Variants in PHACTR1 observed in about 807,000 individuals in gnomAD.
PHACTR1 encodes RPEL repeat containing 1.
A neutral mutation model predicts 69.2 loss-of-function variants in PHACTR1; 16 were observed. The ratio of observed to expected loss-of-function variants is 0.23; its 90% confidence interval spans 0.16 to 0.35. The LOEUF is 0.35. PHACTR1 is among the 10% of genes least tolerant of loss of function. The pLI is 1.00. For missense variants in PHACTR1, 510 were observed against 734.7 expected (o/e 0.69, Z 3.54); for synonymous variants, 312 against 284.5 (o/e 1.10, Z -0.97).
chr6:12,781,208 C>G (rs1035364825), intron 4 of PHACTR1, among the ~76,000 whole-genome samples: 1 of 152,174 alleles, frequency 6.6e-6, no homozygotes, highest in African/African-American at 2.4e-5. Context: ...GAGGCATCCC[C>G]TGCTGAGCTT....
At chr6:13,140,315 CGG>C (rs1822239725) in intron 5 of PHACTR1, among the ~76,000 whole-genome samples, 1 of 151,916 alleles carries the variant, frequency 6.6e-6, no homozygotes, top group Non-Finnish European at 1.5e-5. Context: ...AACAGTATCT[CGG>C]AGAGAGAGAT....
At chr6:13,201,529 G>A (rs900376636) in intron 7 of PHACTR1, among the ~76,000 whole-genome samples, 9 of 152,190 alleles carry the variant, frequency 5.9e-5, no homozygotes, top group African/African-American at 9.7e-5. Context: ...TGCCCAGCAG[G>A]TGCTGTAGGG....
At chr6:12,854,550 GC>G (rs1561947752) in intron 4 of PHACTR1, among the ~76,000 whole-genome samples, 28 of 151,956 alleles carry the variant, frequency 1.8e-4, no homozygotes, top group Non-Finnish European at 4.1e-4. Context: ...TAAAAACTTT[GC>G]TCAGCCTCAG....
chr6:13,276,643 G>A (rs533061108), intron 11 of PHACTR1, among the ~76,000 whole-genome samples: 12 of 152,138 alleles, frequency 7.9e-5, no homozygotes, highest in African/African-American at 2.6e-4. Flanking sequence ...GTGGTGGTGG[G>A]CACCTGTAAT....
chr6:13,170,294 G>C (rs189924101), intron 6 of PHACTR1, among the ~76,000 whole-genome samples: 2 of 152,110 alleles, frequency 1.3e-5, no homozygotes, highest in African/African-American at 4.8e-5. Flanking sequence ...TTTAAGTATT[G>C]CAAGTACAGT....
chr6:12,973,129 G>T lies in PHACTR1; in HGVS notation c.251-80236G>T, dbSNP rs73364180. Among the ~76,000 whole-genome samples the T allele has an allele frequency of 8.8e-3, 1,343 of 152,102 alleles. 22 individuals carry two copies. Among genetic ancestry groups the T allele is most frequent in the African/African-American group, 0.03 (1,259 of 41,472 alleles). ...CTGCAAAGTCCTTCTGCCATGTAAGGTACCATATTCACAGGGTCAGGATTA... is the reference window on the plus strand; with the variant it reads ...CTGCAAAGTCCTTCTGCCATGTAAGTTACCATATTCACAGGGTCAGGATTA... On this transcript the variant is annotated intron_variant, in intron 4 of 14. Transcript: ENST00000332995.
chr6:12,821,544 A>G (rs922359129), intron 4 of PHACTR1, among the ~76,000 whole-genome samples: 7 of 150,818 alleles, frequency 4.6e-5, no homozygotes, highest in African/African-American at 1.7e-4. Flanking sequence ...CCTAAACCAC[A>G]GGCTGAAACC....
At chr6:12,950,624 G>C (rs1791176292) in intron 4 of PHACTR1, among the ~76,000 whole-genome samples, 1 of 152,202 alleles carries the variant, frequency 6.6e-6, no homozygotes. Flanking sequence ...CCAAATAACT[G>C]TACAAAAGGG....
rs142970663 is a variant in PHACTR1, at chr6:13,209,537, G to A, written c.986+3401G>A. Among the ~76,000 whole-genome samples the A allele has an allele frequency of 1.8e-3, 272 of 152,322 alleles. 3 individuals are homozygous for A. The highest frequency in any genetic ancestry group is 6.4e-3 in the African/African-American group (265 of 41,582). On this transcript the variant is annotated intron_variant, in intron 8 of 14. Coordinates refer to ENST00000332995, the MANE Select transcript of PHACTR1 (RefSeq NM_030948.6). ...GGCCATCGGTCCAGATGGACAGTCT[G>A]ATCCTGATGAAAAAGTTATAGGTAA...
rs1031198189 is a variant in PHACTR1 at position 13,275,646 on chromosome 6, C to T, written c.1448-2622C>T. 6.6e-6 allele frequency: 1 copy of T among 151,922 alleles called. No homozygotes were observed. The highest frequency in any genetic ancestry group is 1.5e-5 in the Non-Finnish European group (1 of 68,070). 9.4% of individuals were successfully genotyped at this position (151,922 alleles called of 1,614,324 possible). A position where few individuals can be genotyped will look rare whatever the true frequency, so the allele number is the denominator to read the frequency against. On this transcript the variant is annotated intron_variant, in intron 11 of 14. Coordinates refer to ENST00000332995, the MANE Select transcript of PHACTR1 (RefSeq NM_030948.6). This position sits in a 1 kb window ranked among gnomAD's most constrained non-coding sequence, Gnocchi z 4.0. ...AAACCTATCTGTGTAACCACTGAGC[C>T]AGGTAGGGTGTGACTGGCCACTTAA...
chr6:13,225,158 G>T (rs1032002913), intron 8 of PHACTR1, among the ~76,000 whole-genome samples: 1 of 152,218 alleles, frequency 6.6e-6, no homozygotes, highest in Non-Finnish European at 1.5e-5. Context: ...CGGGGCATTT[G>T]TCTTCTTCTC....
intron 4 of PHACTR1, among the ~76,000 whole-genome samples, chr6:12,849,332 C>A (rs1449845133): frequency 6.6e-6 from 1 of 152,174 alleles, no homozygotes; most frequent in Non-Finnish European, 1.5e-5. Flanking sequence ...GTCAGCCAGA[C>A]CTTCGTTTCC....
chr6:12,892,552 A>T (rs1021157592), intron 4 of PHACTR1, among the ~76,000 whole-genome samples: 6 of 152,228 alleles, frequency 3.9e-5, no homozygotes, highest in African/African-American at 1.4e-4. Flanking sequence ...TTGACATAAT[A>T]ATATGGTCTT....
At chr6:13,006,354 G>C (rs1428038948) in intron 4 of PHACTR1, among the ~76,000 whole-genome samples, 1 of 152,124 alleles carries the variant, frequency 6.6e-6, no homozygotes, top group Non-Finnish European at 1.5e-5. Flanking sequence ...AAACTACCTA[G>C]CCGCTTTCTG....
chr6:12,797,008 A>AGTGTGT (rs10577949), intron 4 of PHACTR1, among the ~76,000 whole-genome samples: 13 of 138,342 alleles, frequency 9.4e-5, no homozygotes, highest in East Asian at 4.4e-4. Flanking sequence ...GAAGCCTAGG[A>AGTGTGT]GTGTGTGTGT....
chr6:12,830,089 GAGGGAAAGAAAGAAAGAAAGAAA>G (rs1561923553), intron 4 of PHACTR1, among the ~76,000 whole-genome samples: 17 of 121,696 alleles, frequency 1.4e-4, no homozygotes, highest in South Asian at 8.4e-4. Context: ...AGGAAGGAAG[GAGGGAAAGAAAGAAAGAAAGAAA>G]GAAAGAAAGA....
intron 4 of PHACTR1, among the ~76,000 whole-genome samples, chr6:12,828,693 G>A (rs761821826): frequency 1.8e-4 from 27 of 151,978 alleles, no homozygotes; most frequent in Non-Finnish European, 3.2e-4. Flanking sequence ...GAATGAAAAT[G>A]TATTGCTTTT....
intron 5 of PHACTR1, among the ~76,000 whole-genome samples, chr6:13,079,983 G>A (rs1811116965): frequency 6.6e-6 from 1 of 152,022 alleles, no homozygotes; most frequent in Non-Finnish European, 1.5e-5. Context: ...ACAGAGAAAC[G>A]GCGTGTAACC....
chr6:13,174,636 A>G (rs567958213), intron 6 of PHACTR1, among the ~76,000 whole-genome samples: 2 of 152,240 alleles, frequency 1.3e-5, no homozygotes, highest in African/African-American at 4.8e-5. Flanking sequence ...TGTCTTATTT[A>G]TAAAGGATTC....
Sources: gnomAD v4.1 joint callset for allele counts (sites outside exome capture counted in the v4.1 genomes callset) on GRCh38, gnomAD v4.1.1 for gene constraint, Gnocchi (gnomAD v3.1) non-coding constraint, MANE v1.5 for transcripts, NCBI Gene and HGNC (gene_info 2026-07-23, HGNC 2026-07-21) for gene names.